The following FCRL2 variants were observed in gnomAD, a reference collection of about 807,000 sequenced individuals.
FCRL2 encodes the protein Fc receptor like 2, also known as Fc receptor-like protein 2.
A neutral mutation model predicts 59.8 loss-of-function variants in FCRL2; 48 were observed. That is an observed-to-expected ratio of 0.80 (90% CI 0.64 to 1.02). FCRL2 has a LOEUF of 1.02. Ranked by LOEUF, FCRL2 falls within the 50% of genes least tolerant of loss-of-function variation. FCRL2 has a pLI of 0.00. For missense variants in FCRL2, 658 were observed against 597.3 expected, an observed-to-expected ratio of 1.10 and a Z score of -1.06; for synonymous variants, 251 against 229.5, an observed-to-expected ratio of 1.09 and a Z score of -0.85.
chr1:157,759,060 T>C (rs1648823461), intron 7 of FCRL2, among the ~76,000 whole-genome samples: 1 of 152,134 alleles, frequency 6.6e-6, no homozygotes, highest in South Asian at 2.1e-4. Flanking sequence ...AGGGACCCGG[T>C]GGGAGGTAAT....
chr1:157,774,215 T>G (rs1650240464), intron 2 of FCRL2, among the ~76,000 whole-genome samples: 1 of 152,136 alleles, frequency 6.6e-6, no homozygotes, highest in African/African-American at 2.4e-5. Flanking sequence ...AGGCAATGGA[T>G]GGGGACAGAA....
At chr1:157,762,287 A>C (rs1375093674) in intron 7 of FCRL2, among the ~76,000 whole-genome samples, 2 of 152,156 alleles carry the variant, frequency 1.3e-5, no homozygotes. Flanking sequence ...ACCAGTATCC[A>C]TTGTTTGGGA....
rs370047704 is a variant in FCRL2, at chr1:157,748,570, T to G, written c.1442A>C (p.Gln481Pro). Residue 481 changes from glutamine (Q) to proline (P), a missense_variant, in exon 10 of 12, where the codon CAG (glutamine) becomes CCG (proline). Physicochemically the swap from Gln to Pro is moderately conservative, Grantham distance 76. Coordinates refer to ENST00000361516, the MANE Select transcript of FCRL2 (RefSeq NM_030764.4). ...TTTCTCACCTGAGCTTTCTGGCTGC[T>G]GCATGCTCCAGACCTGAGAATAAAC... ...DVVYSQVWSMQQPESSANIRT... is the reference protein window; with the variant it reads ...DVVYSQVWSMPQPESSANIRT... The G allele has an allele frequency of 3.8e-5, 61 of 1,613,772 alleles. No individual in the cohort carries two copies. Among genetic ancestry groups the G allele is most frequent in the Non-Finnish European group, 5.1e-5 (60 of 1,179,800 alleles).
In FCRL2 at chr1:157,770,098, C is replaced by T. The variant is rs1020636763; in HGVS notation, c.363G>A (p.Gly121=). Residue 121 remains glycine, a synonymous_variant, in exon 4 of 12, where the codon GGG becomes GGA. Transcript: ENST00000361516. The stretch of plus-strand genomic sequence containing the variant: ...TCTCACATTTCAGGCTCACTGGACC[C>T]CCTTCGATGGGCTGGAAGGAGCTGG... ...LTASSFQPIE[G]GPVSLKCETR... 14 of 1,614,052 alleles carry T rather than the reference C, an allele frequency of 8.7e-6. No individual in the cohort carries two copies. Among genetic ancestry groups the T allele is most frequent in the Middle Eastern group, 3.3e-4 (2 of 6,068 alleles).
At position 157,770,727 on chromosome 1, in the gene FCRL2, T is replaced by C. The variant is rs537952648; in HGVS notation, c.53-61A>G. 2.8e-5 allele frequency: 44 copies of C among 1,586,100 alleles called. No homozygotes were observed. In the African/African-American group the frequency reaches 4.0e-4, roughly 15 times the overall value. ...CTGCAGAGAACCCAGACAGACTCCA[T>C]TGGCAGTGAGGTGGTCTCAGGCATA... On this transcript the variant is annotated intron_variant, in intron 2 of 11. Coordinates refer to ENST00000361516, the MANE Select transcript of FCRL2 (RefSeq NM_030764.4).
At chr1:157,749,070 G>T in intron 8 of FCRL2, 110 bp from the exon 9 acceptor site, 3 of 872,352 alleles carry the variant, frequency 3.4e-6, no homozygotes, top group Non-Finnish European at 5.5e-6. Context: ...ATGGCTCTCT[G>T]CTTGGGTGAT....
intron 7 of FCRL2, among the ~76,000 whole-genome samples, chr1:157,762,019 G>A (rs1486312510): frequency 6.6e-6 from 1 of 152,202 alleles, no homozygotes; most frequent in Non-Finnish European, 1.5e-5. Flanking sequence ...TGAGAAAAGA[G>A]AGCAGAGAGG....
intron 7 of FCRL2, among the ~76,000 whole-genome samples, chr1:157,760,753 A>AAGAAAGAT (rs1356983981): frequency 3.3e-5 from 5 of 149,782 alleles, no homozygotes; most frequent in Non-Finnish European, 5.9e-5. Context: ...GAAAGAAAGA[A>AAGAAAGAT]AGAAGAAAGA....
Position 157,749,592 on chromosome 1 carries a change from T to C in FCRL2, c.1307+58A>G, listed in dbSNP as rs1648026679. Reference sequence around the variant, plus strand: ...CGTACAAGCAGAGTACAGTAGGTATTTAAAACTGAATGAAGGAGACCTCTA... The same window carrying C: ...CGTACAAGCAGAGTACAGTAGGTATCTAAAACTGAATGAAGGAGACCTCTA... On this transcript the variant is annotated intron_variant, in intron 8 of 11. Coordinates refer to ENST00000361516, the MANE Select transcript of FCRL2 (RefSeq NM_030764.4). 24 of 1,301,976 alleles carry C rather than the reference T, an allele frequency of 1.8e-5. No homozygotes were observed. The South Asian group carries it at 2.8e-4, about 15-fold the overall frequency. The allele number at this position is 1,301,976 out of a possible 1,614,324, so 80.7% of individuals were successfully genotyped here. A position where few individuals can be genotyped will look rare whatever the true frequency, so the allele number is the denominator to read the frequency against.
At chr1:157,767,152 TCA>T in intron 6 of FCRL2, 77 bp downstream of exon 6, 1 of 1,521,562 alleles carries the variant, frequency 6.6e-7, no homozygotes, top group Non-Finnish European at 8.9e-7. Context: ...TTCCCCCTCT[TCA>T]CACACAGCAG....
chr1:157,774,606 A>G (rs1202857704), intron 2 of FCRL2: 2 of 383,020 alleles, frequency 5.2e-6, no homozygotes, highest in Middle Eastern at 8.3e-4. Flanking sequence ...CTGTCTTGGC[A>G]TGATTCCACT....
chr1:157,759,029 A>G (rs1571265908), intron 7 of FCRL2, among the ~76,000 whole-genome samples: 1 of 152,190 alleles, frequency 6.6e-6, no homozygotes, highest in East Asian at 1.9e-4. Context: ...TGTAGTTCCC[A>G]TAATCTCAAT....
At chr1:157,758,679 G>GT (rs1648783783) in intron 7 of FCRL2, among the ~76,000 whole-genome samples, 1 of 22,092 alleles carries the variant, frequency 4.5e-5, no homozygotes, top group Non-Finnish European at 9.2e-5. Flanking sequence ...GCAGTCCCAA[G>GT]CAAAAAAAAA....
chr1:157,770,062 A>G lies in FCRL2; in HGVS notation c.399T>C (p.Ser133=). Residue 133 remains serine (S), a synonymous_variant, in exon 4 of 12, where the codon TCT becomes TCC. Coordinates refer to ENST00000361516, the MANE Select transcript of FCRL2 (RefSeq NM_030764.4). ...PVSLKCETRL[S]PQRLDVQLQF... ...GGAGTTGAACATCCAACCTCTGTGG[A>G]GAGAGCCGGGTCTCACATTTCAGGC... The G allele has an allele frequency of 2.5e-6, 4 of 1,614,156 alleles. No individual in the cohort carries two copies. The highest frequency in any genetic ancestry group is 3.4e-6 in the Non-Finnish European group (4 of 1,180,016).
At chr1:157,752,006 C>T (rs1443078958) in intron 7 of FCRL2, among the ~76,000 whole-genome samples, 1 of 152,240 alleles carries the variant, frequency 6.6e-6, no homozygotes, top group African/African-American at 2.4e-5. Flanking sequence ...GGCCAGAACC[C>T]TTTCCATATT....
intron 7 of FCRL2, among the ~76,000 whole-genome samples, chr1:157,766,121 A>T (rs576298579): frequency 2.0e-5 from 3 of 152,266 alleles, no homozygotes; most frequent in African/African-American, 7.2e-5. Context: ...CTCTTTTTAT[A>T]AAAAAGGTGG....
At chr1:157,748,493 A>T (rs6696643) in intron 10 of FCRL2, 60 bp downstream of exon 10, 836,016 of 990,192 alleles carry the variant, frequency 0.84, 355,550 homozygotes, top group East Asian at 1. Context: ...CTCTATTGCA[A>T]ACAATGCATC....
chr1:157,767,872 T>C, intron 5 of FCRL2: 1 of 511,222 alleles, frequency 2.0e-6, no homozygotes, highest in Admixed American at 3.7e-5. Flanking sequence ...AACTGATACA[T>C]AGGAGCATTT....
chr1:157,748,679 A>C, intron 9 of FCRL2, 61 bp from the exon 10 acceptor site: 1 of 1,411,178 alleles, frequency 7.1e-7, no homozygotes, highest in South Asian at 1.2e-5. Context: ...CTTCATACAC[A>C]GCTTCCCAGG....
Sources: allele counts gnomAD v4.1 joint callset (sites outside exome capture counted in the v4.1 genomes callset), GRCh38; gene constraint gnomAD v4.1.1; transcripts MANE v1.5; gene names NCBI Gene and HGNC (gene_info 2026-07-23, HGNC 2026-07-21).